ZNF835: variants seen among roughly 807,000 people sequenced by gnomAD.
ZNF835 encodes the protein zinc finger protein 835.
For synonymous variants in ZNF835, 323 were observed against 324.7 expected, an observed-to-expected ratio of 0.99 and a Z score of 0.06; for missense variants, 783 against 758.4, an observed-to-expected ratio of 1.03 and a Z score of -0.38.
chr19:56,667,943 G>A lies in ZNF835; in HGVS notation c.-47-2698C>T, dbSNP rs536224912. ...TTGGACTTCCAGCCCCTAGAACTGTGTGGAAATAAATGCTGTTTCTTTCTT... is the reference window on the plus strand; with the variant it reads ...TTGGACTTCCAGCCCCTAGAACTGTATGGAAATAAATGCTGTTTCTTTCTT... On this transcript the variant is annotated intron_variant, in intron 1 of 1. Coordinates refer to ENST00000537055, the MANE Select transcript of ZNF835 (RefSeq NM_001005850.3). Among the ~76,000 whole-genome samples, 15 of 152,272 alleles carry A rather than the reference G, an allele frequency of 9.9e-5. 1 individual carries two copies. The South Asian group carries it at 1.0e-3, about 11-fold the overall frequency.
In ZNF835 at chr19:56,663,408, G is replaced by A; in HGVS notation, c.*177C>T. 1.2e-6 allele frequency: 1 copy of A among 842,208 alleles called. No individual in the cohort carries two copies. The highest frequency in any genetic ancestry group is 1.8e-6 in the Non-Finnish European group (1 of 553,894). The allele number at this position is 842,208 out of a possible 1,614,324, so 52.2% of individuals were successfully genotyped here. On this transcript the variant is annotated 3_prime_UTR_variant, in exon 2 of 2. Coordinates refer to ENST00000537055, the MANE Select transcript of ZNF835 (RefSeq NM_001005850.3). ...CCCATTTATAATTTTGCACCAGGAA[G>A]ACCGCAGGGGAGTCTGGCAGATGTG...
At position 56,664,107 on chromosome 19, in the gene ZNF835, G is replaced by A. The variant is rs372181820; in HGVS notation, c.1092C>T (p.Cys364=). Residue 364 remains cysteine (C), a synonymous_variant, in exon 2 of 2, where the codon TGC becomes TGT. Coordinates refer to ENST00000537055, the MANE Select transcript of ZNF835 (RefSeq NM_001005850.3). ...TGCTGAAGCGCTTGCCGCAGTCGTGGCAGGGGTAAGGCCGCTCTCCGGTGT... is the reference window on the plus strand; with the variant it reads ...TGCTGAAGCGCTTGCCGCAGTCGTGACAGGGGTAAGGCCGCTCTCCGGTGT... The part of the protein sequence containing the change: ...RTHTGERPYP[C]HDCGKRFSNR... The A allele has an allele frequency of 1.4e-5, 22 of 1,599,636 alleles. No homozygotes were observed. Among genetic ancestry groups the A allele is most frequent in the Non-Finnish European group, 1.8e-5 (21 of 1,170,462 alleles).
chr19:56,668,392 G>T (rs111958971), intron 1 of ZNF835, among the ~76,000 whole-genome samples: 10,120 of 141,582 alleles, frequency 0.071, 415 homozygotes, highest in Middle Eastern at 0.11. Context: ...TTGAGACAGG[G>T]TCTTGCTCTG....
chr19:56,665,960 A>T (rs1176390491), intron 1 of ZNF835, among the ~76,000 whole-genome samples: 1 of 152,194 alleles, frequency 6.6e-6, no homozygotes, highest in African/African-American at 2.4e-5. Flanking sequence ...CTCTTAAAAT[A>T]TGGCCCTGTA....
chr19:56,668,002 TG>T (rs767162657), intron 1 of ZNF835, among the ~76,000 whole-genome samples: 8 of 152,306 alleles, frequency 5.3e-5, no homozygotes, highest in Non-Finnish European at 1.2e-4. Context: ...TTGTTTGTTT[TG>T]TTTTGTTTTT....
chr19:56,663,799 A>T lies in ZNF835; in HGVS notation c.1400T>A (p.Val467Glu), dbSNP rs2045208631. The T allele has an allele frequency of 6.2e-7, 1 of 1,614,096 alleles. No individual in the cohort carries two copies. The highest frequency in any genetic ancestry group is 8.5e-7 in the Non-Finnish European group (1 of 1,179,998). Residue 467 changes from valine (V) to glutamate (E), a missense_variant, in exon 2 of 2, where the codon GTG (valine) becomes GAG (glutamate). Coordinates refer to ENST00000537055, the MANE Select transcript of ZNF835 (RefSeq NM_001005850.3). ...CTCGTAGGGCTTCTCCCCGGTGTGC[A>T]CGATGTGGTGCTGGATCAGGTAGGA... The part of the protein sequence containing the change: ...NRSYLIQHHI[V>E]HTGEKPYECS...
rs2045234814 is a variant in ZNF835, at chr19:56,665,148, G to A, written c.51C>T (p.Asn17=). 2.5e-6 allele frequency: 4 copies of A among 1,614,006 alleles called. No individual in the cohort carries two copies. Among genetic ancestry groups the A allele is most frequent in the East Asian group, 2.2e-5 (1 of 44,878 alleles). The change falls in exon 2 of 2, where the codon AAC becomes AAT. Residue 17 remains asparagine (N), a synonymous_variant. Coordinates refer to ENST00000537055, the MANE Select transcript of ZNF835 (RefSeq NM_001005850.3). ...CCTCAACCTGGCCCTCGTGTTTCCAGTTTCCTTCCAACTCTGCGCCCTGGA... is the reference window on the plus strand; with the variant it reads ...CCTCAACCTGGCCCTCGTGTTTCCAATTTCCTTCCAACTCTGCGCCCTGGA... ...VALQGAELEG[N]WKHEGQVEDL... is the part of the protein sequence containing the mutation.
At chr19:56,667,994 GTTTGT>G (rs918959146) in intron 1 of ZNF835, among the ~76,000 whole-genome samples, 322 of 152,102 alleles carry the variant, frequency 2.1e-3, no homozygotes, top group African/African-American at 7.4e-3. Context: ...TTTTTTGTTT[GTTTGT>G]TTTGTTTTGT....
At chr19:56,666,369 A>C (rs2045246048) in intron 1 of ZNF835, among the ~76,000 whole-genome samples, 1 of 152,206 alleles carries the variant, frequency 6.6e-6, no homozygotes, top group Non-Finnish European at 1.5e-5. Flanking sequence ...GGCCTCCCAA[A>C]GTGCTGGGAT....
rs371180916 is a variant in ZNF835, at chr19:56,662,153, A to G, written c.*1432T>C. ...TGTGGGACTAGATGCAAATGTGACA[A>G]TATCAGAGACTTGAAAGCATGCCTG... On this transcript the variant is annotated 3_prime_UTR_variant, in exon 2 of 2. Coordinates refer to ENST00000537055, the MANE Select transcript of ZNF835 (RefSeq NM_001005850.3). 5 of 152,258 alleles carry G rather than the reference A, an allele frequency of 3.3e-5. No individual in the cohort carries two copies. In the East Asian group the frequency reaches 7.7e-4, roughly 24 times the overall value. The allele number at this position is 152,258 out of a possible 1,614,324, so 9.4% of individuals were successfully genotyped here. A position where few individuals can be genotyped will look rare whatever the true frequency, so the allele number is the denominator to read the frequency against.
intron 1 of ZNF835, among the ~76,000 whole-genome samples, chr19:56,670,360 AGGGT>A (rs755374764): frequency 1.3e-5 from 2 of 152,212 alleles, no homozygotes; most frequent in Non-Finnish European, 2.9e-5. Context: ...TGACACACAC[AGGGT>A]CATACACAAT....
intron 1 of ZNF835, among the ~76,000 whole-genome samples, chr19:56,668,194 A>C (rs1377268456): frequency 2.0e-5 from 3 of 151,806 alleles, no homozygotes; most frequent in Non-Finnish European, 4.4e-5. Flanking sequence ...ATGAGGTTTC[A>C]CCATATTAGT....
intron 1 of ZNF835, among the ~76,000 whole-genome samples, chr19:56,670,634 G>T (rs1044509002): frequency 6.6e-6 from 1 of 152,206 alleles, no homozygotes; most frequent in African/African-American, 2.4e-5. Context: ...GCCATTACTG[G>T]GACACACCCA....
rs1350366203 is a variant in ZNF835, at chr19:56,664,381, G to C, written c.818C>G (p.Thr273Arg). The C allele has an allele frequency of 6.2e-7, 1 of 1,611,286 alleles. No homozygotes were observed. Residue 273 changes from threonine (T) to arginine (R), a missense_variant, in exon 2 of 2, where the codon ACG (threonine) becomes AGG (arginine). Transcript: ENST00000537055. ...GCCGCAGCGGTAGGGCTTCTCCTCC[G>C]TGTGGATGCGCTGGTGGCGGATGAG... ...SALIRHQRIH[T>R]EEKPYRCGQC...
In ZNF835 at chr19:56,663,425, G is replaced by C. The variant is rs2045203130; in HGVS notation, c.*160C>G. On this transcript the variant is annotated 3_prime_UTR_variant, in exon 2 of 2. Coordinates refer to ENST00000537055, the MANE Select transcript of ZNF835 (RefSeq NM_001005850.3). ...ACCAGGAAGACCGCAGGGGAGTCTG[G>C]CAGATGTGAGGTACAGTCTTAGCCC... is the stretch of plus-strand genomic sequence containing the variant. 9.9e-7 allele frequency: 1 copy of C among 1,005,928 alleles called. No homozygotes were observed. Among genetic ancestry groups the C allele is most frequent in the Admixed American group, 2.8e-5 (1 of 35,186 alleles). 62.3% of individuals were successfully genotyped at this position (1,005,928 alleles called of 1,614,324 possible). A position where few individuals can be genotyped will look rare whatever the true frequency, so the allele number is the denominator to read the frequency against.
chr19:56,665,576 C>G, intron 1 of ZNF835: 1 of 473,224 alleles, frequency 2.1e-6, no homozygotes. Flanking sequence ...TTGCTTGAGC[C>G]CAGGAGTTTG....
chr19:56,669,039 C>T (rs774151320), intron 1 of ZNF835, among the ~76,000 whole-genome samples: 8 of 152,216 alleles, frequency 5.3e-5, no homozygotes, highest in Non-Finnish European at 8.8e-5. Context: ...ACTTCTGACA[C>T]GTGGGCTTTC....
Position 56,665,189 on chromosome 19 carries a change from G to A in ZNF835, c.10C>T (p.Leu4Phe), listed in dbSNP as rs1264888746. The stretch of plus-strand genomic sequence containing the variant: ...GCGCCCTGGAGGGCGACGCTCAAGA[G>A]TCCCTCCATCCTCGATCCCTGGGCT... MEG[L>F]LSVALQGAEL... The change falls in exon 2 of 2, where the codon CTC (leucine) becomes TTC (phenylalanine). Residue 4 changes from leucine to phenylalanine, a missense_variant. Leu to Phe is a conservative substitution (Grantham distance 22). Coordinates refer to ENST00000537055, the MANE Select transcript of ZNF835 (RefSeq NM_001005850.3). 1 of 1,613,830 alleles carries A rather than the reference G, an allele frequency of 6.2e-7. No homozygotes were observed. The highest frequency in any genetic ancestry group is 1.3e-5 in the African/African-American group (1 of 74,932).
rs2045204148 is a variant in ZNF835, at chr19:56,663,535, A to T, written c.*50T>A. ...CCTCACAGGAAGCGTCGGGGATAACACAGTATCTCCCCCATAGCATTGTGA... is the reference window on the plus strand; with the variant it reads ...CCTCACAGGAAGCGTCGGGGATAACTCAGTATCTCCCCCATAGCATTGTGA... On this transcript the variant is annotated 3_prime_UTR_variant, in exon 2 of 2. Coordinates refer to ENST00000537055, the MANE Select transcript of ZNF835 (RefSeq NM_001005850.3). 6.2e-7 allele frequency: 1 copy of T among 1,607,598 alleles called. No individual in the cohort carries two copies. Among genetic ancestry groups the T allele is most frequent in the Admixed American group, 1.7e-5 (1 of 59,112 alleles).
Sources: allele counts gnomAD v4.1 joint callset (sites outside exome capture counted in the v4.1 genomes callset), GRCh38; gene constraint gnomAD v4.1.1; transcripts MANE v1.5; gene names NCBI Gene and HGNC (gene_info 2026-07-23, HGNC 2026-07-21).